The following CRPPA variants were observed in gnomAD, a reference collection of about 807,000 sequenced individuals.
CRPPA encodes the protein CDP-L-ribitol pyrophosphorylase A, also known as D-ribitol-5-phosphate cytidylyltransferase.
CRPPA carries 43 observed loss-of-function variants against 52.0 expected under a neutral mutation model. The observed-to-expected ratio is 0.83, with a 90% CI of 0.65 to 1.07. CRPPA has a LOEUF of 1.07. CRPPA is among the 50% of genes least tolerant of loss of function. CRPPA has a pLI of 0.00. For synonymous variants in CRPPA, 250 were observed against 203.5 expected, an observed-to-expected ratio of 1.23 and a Z score of -1.94; for missense variants, 629 against 551.7, an observed-to-expected ratio of 1.14 and a Z score of -1.40.
chr7:16,241,972 G>GTGA (rs1194310482), intron 8 of CRPPA, among the ~76,000 whole-genome samples: 1 of 25,784 alleles, frequency 3.9e-5, no homozygotes, highest in African/African-American at 1.4e-4. Context: ...TTTTTTTGTT[G>GTGA]GGGGGAGATA....
intron 2 of CRPPA, among the ~76,000 whole-genome samples, chr7:16,390,005 T>A (rs1441796822): frequency 1.5e-5 from 2 of 133,536 alleles, no homozygotes; most frequent in South Asian, 2.4e-4. Context: ...AAAATGAAAT[T>A]TAAAAAATTC....
chr7:16,306,588 T>C (rs6975353), intron 4 of CRPPA, among the ~76,000 whole-genome samples: 123,074 of 152,166 alleles, frequency 0.81, 50,520 homozygotes, highest in African/African-American at 0.95. Context: ...TAATCACAGC[T>C]CCAAAGATGT....
At chr7:16,207,771 C>A (rs1361884039) in intron 9 of CRPPA, among the ~76,000 whole-genome samples, 1 of 152,140 alleles carries the variant, frequency 6.6e-6, no homozygotes, top group East Asian at 1.9e-4. Flanking sequence ...AGACTAAAAT[C>A]AAATCCCATT....
chr7:16,211,157 C>G (rs913769662), intron 9 of CRPPA, among the ~76,000 whole-genome samples: 1 of 152,162 alleles, frequency 6.6e-6, no homozygotes, highest in African/African-American at 2.4e-5. Flanking sequence ...TATTGCATTT[C>G]ATTTACATAT....
chr7:16,311,069 C>T (rs1785024554), intron 3 of CRPPA, among the ~76,000 whole-genome samples: 1 of 152,028 alleles, frequency 6.6e-6, no homozygotes, highest in South Asian at 2.1e-4. Flanking sequence ...GAGCAAAAGG[C>T]AAAGATTTCC....
At chr7:16,382,888 T>G (rs1787148945) in intron 2 of CRPPA, among the ~76,000 whole-genome samples, 1 of 152,172 alleles carries the variant, frequency 6.6e-6, no homozygotes, top group Non-Finnish European at 1.5e-5. Context: ...TAGTTATACA[T>G]TCGTCTAAAT....
chr7:16,209,926 T>C (rs1782084482), intron 9 of CRPPA, among the ~76,000 whole-genome samples: 1 of 152,208 alleles, frequency 6.6e-6, no homozygotes, highest in African/African-American at 2.4e-5. Flanking sequence ...CCCATTTCAA[T>C]ATTACATCCA....
At chr7:16,364,064 A>C (rs1786525255) in intron 3 of CRPPA, among the ~76,000 whole-genome samples, 1 of 152,220 alleles carries the variant, frequency 6.6e-6, no homozygotes, top group African/African-American at 2.4e-5. Context: ...ATTTAAAGAC[A>C]TCAACTTAAT....
At chr7:16,337,915 T>C (rs1048339671) in intron 3 of CRPPA, among the ~76,000 whole-genome samples, 1 of 152,112 alleles carries the variant, frequency 6.6e-6, no homozygotes, top group Non-Finnish European at 1.5e-5. Context: ...CCACCGTACA[T>C]TTAGAGGAAA....
chr7:16,140,169 C>A (rs941119778), intron 9 of CRPPA, among the ~76,000 whole-genome samples: 1 of 152,080 alleles, frequency 6.6e-6, no homozygotes, highest in Non-Finnish European at 1.5e-5. Context: ...CATTTAGAGA[C>A]AAGAGTCTCA....
chr7:16,212,755 G>T (rs1782184675), intron 9 of CRPPA, among the ~76,000 whole-genome samples: 1 of 152,160 alleles, frequency 6.6e-6, no homozygotes, highest in South Asian at 2.1e-4. Flanking sequence ...TCTGACATCT[G>T]CATTTTACAA....
chr7:16,105,678 G>T (rs560272092), intron 9 of CRPPA, among the ~76,000 whole-genome samples: 1 of 152,066 alleles, frequency 6.6e-6, no homozygotes, highest in South Asian at 2.1e-4. Flanking sequence ...AGCTGAGCTG[G>T]TTGCCTTCAG....
At chr7:16,400,537 T>G (rs1787786006) in intron 2 of CRPPA, among the ~76,000 whole-genome samples, 2 of 152,168 alleles carry the variant, frequency 1.3e-5, no homozygotes, top group South Asian at 2.1e-4. Flanking sequence ...TTGACACTAC[T>G]GACACGTCGA....
chr7:16,383,180 T>A (rs963416355), intron 2 of CRPPA, among the ~76,000 whole-genome samples: 7 of 152,208 alleles, frequency 4.6e-5, no homozygotes, highest in Non-Finnish European at 1.0e-4. Flanking sequence ...GGTGTGGATG[T>A]CCTTTCTGTT....
intron 9 of CRPPA, among the ~76,000 whole-genome samples, chr7:16,166,377 T>G (rs1378211538): frequency 6.6e-6 from 1 of 152,104 alleles, no homozygotes; most frequent in Non-Finnish European, 1.5e-5. Context: ...TCTTCCAGGT[T>G]CCAGCGATTC....
chr7:16,274,832 G>C (rs1158370764), intron 6 of CRPPA, among the ~76,000 whole-genome samples: 3 of 152,222 alleles, frequency 2.0e-5, no homozygotes, highest in African/African-American at 4.8e-5. Flanking sequence ...GAACAATAAA[G>C]GGGAGAAAGA....
At chr7:16,094,546 A>T (rs536080011) in intron 9 of CRPPA, among the ~76,000 whole-genome samples, 1 of 150,240 alleles carries the variant, frequency 6.7e-6, no homozygotes, top group South Asian at 2.1e-4. Flanking sequence ...AATACAGGAG[A>T]TCATTTTATT....
intron 1 of CRPPA, among the ~76,000 whole-genome samples, chr7:16,416,236 A>C (rs1306049871): frequency 6.6e-6 from 1 of 152,170 alleles, no homozygotes; most frequent in Non-Finnish European, 1.5e-5. Flanking sequence ...GAACCCAGAA[A>C]TAAAGTTGCC....
chr7:16,399,614 C>T (rs1439967298), intron 2 of CRPPA, among the ~76,000 whole-genome samples: 2 of 151,920 alleles, frequency 1.3e-5, no homozygotes, highest in Non-Finnish European at 2.9e-5. Context: ...GTGTCCAACA[C>T]GTGACTGACC....
Sources: allele counts gnomAD v4.1 joint callset (sites outside exome capture counted in the v4.1 genomes callset), GRCh38; gene constraint gnomAD v4.1.1; transcripts MANE v1.5; gene names NCBI Gene and HGNC (gene_info 2026-07-23, HGNC 2026-07-21).